The following ACOT1 variants were observed in gnomAD, a reference collection of about 807,000 sequenced individuals.
The protein encoded by ACOT1 is acyl-CoA thioesterase 1.
A neutral mutation model predicts 15.7 loss-of-function variants in ACOT1; 8 were observed. The observed-to-expected ratio is 0.51, with a 90% confidence interval of 0.30 to 0.92. ACOT1 has a LOEUF of 0.92. Ranked by LOEUF, ACOT1 falls within the 40% of genes least tolerant of loss-of-function variation. The pLI is 0.06. For missense variants in ACOT1, 151 were observed against 539.4 expected (o/e 0.28, Z 7.13); for synonymous variants, 67 against 241.2 (o/e 0.28, Z 6.69).
At chr14:73,514,667 T>C in the ACOT1 span, among the ~76,000 whole-genome samples, 2 of 152,330 alleles carry the variant, frequency 1.3e-5, no homozygotes, top group East Asian at 3.9e-4. Flanking sequence ...GGGAGAATAA[T>C]AGTGCTATAA....
chr14:73,514,441 T>C, the ACOT1 span, among the ~76,000 whole-genome samples: 1 of 152,148 alleles, frequency 6.6e-6, no homozygotes, highest in South Asian at 2.1e-4. Context: ...TGGTAAGCCA[T>C]GATGATGATG....
At chr14:73,514,086 C>G in the ACOT1 span, 8 of 1,614,056 alleles carry the variant, frequency 5.0e-6, no homozygotes, top group African/African-American at 2.7e-5. Context: ...CCACCAGTTC[C>G]CAGGTCACAT....
chr14:73,523,172 T>C, the ACOT1 span: 2 of 1,552,798 alleles, frequency 1.3e-6, no homozygotes, highest in South Asian at 2.3e-5. Context: ...CAGCAAATGC[T>C]TCCTTCCACA....
the ACOT1 span, chr14:73,498,103 G>A: frequency 2.0e-6 from 3 of 1,509,002 alleles, no homozygotes; most frequent in Non-Finnish European, 2.7e-6. Context: ...GAGCAAAGAT[G>A]TGAGAGTTGG....
the ACOT1 span, among the ~76,000 whole-genome samples, chr14:73,524,306 A>T: frequency 6.9e-3 from 630 of 90,766 alleles, 8 homozygotes; most frequent in African/African-American, 0.026. Context: ...AAAAAAAAAA[A>T]AAAAATATAT....
At chr14:73,494,594 A>T in the ACOT1 span, among the ~76,000 whole-genome samples, 1 of 152,280 alleles carries the variant, frequency 6.6e-6, no homozygotes, top group East Asian at 1.9e-4. Context: ...TTTGTTGCCC[A>T]GGCTGGGGTA....
chr14:73,522,354 T>A, the ACOT1 span: 2 of 1,614,244 alleles, frequency 1.2e-6, no homozygotes, highest in Admixed American at 3.3e-5. Context: ...AACTCTGCTG[T>A]CTCTTCTGCC....
At chr14:73,511,093 A>G in the ACOT1 span, among the ~76,000 whole-genome samples, 2 of 152,334 alleles carry the variant, frequency 1.3e-5, no homozygotes, top group East Asian at 1.9e-4. Flanking sequence ...CAAATTCTCA[A>G]GTAGGAAGGG....
At chr14:73,522,708 T>G in the ACOT1 span, 2 of 1,614,246 alleles carry the variant, frequency 1.2e-6, no homozygotes, top group African/African-American at 2.7e-5. Context: ...TTTGATTTCT[T>G]CAGCTTCTTT....
At chr14:73,527,967 A>G in the ACOT1 span, among the ~76,000 whole-genome samples, 2 of 148,618 alleles carry the variant, frequency 1.3e-5, no homozygotes, top group Non-Finnish European at 3.0e-5. Context: ...ATCTCAAAAA[A>G]AAAAAAAAAA....
the ACOT1 span, chr14:73,491,370 C>G: frequency 1.4e-5 from 19 of 1,364,572 alleles, no homozygotes; most frequent in South Asian, 1.8e-5. Flanking sequence ...CTGCAGACCC[C>G]GTCGGCGCGC....
At chr14:73,507,558 T>C in the ACOT1 span, among the ~76,000 whole-genome samples, 1 of 151,166 alleles carries the variant, frequency 6.6e-6, no homozygotes, top group Non-Finnish European at 1.5e-5. Flanking sequence ...CTCAGCCTCT[T>C]GAGTAGCTAG....
At chr14:73,503,083 T>C in the ACOT1 span, 2 of 1,209,242 alleles carry the variant, frequency 1.7e-6, no homozygotes, top group East Asian at 2.3e-5. Context: ...CGTTGTGCTG[T>C]TTTTTCTTCT....
the ACOT1 span, chr14:73,500,410 G>A: frequency 8.6e-6 from 7 of 812,120 alleles, no homozygotes; most frequent in Non-Finnish European, 1.3e-5. Flanking sequence ...CCTGTTTGAA[G>A]TGGCTTATAC....
the ACOT1 span, among the ~76,000 whole-genome samples, chr14:73,528,392 C>CAAAAAAAAAAAAAA: frequency 2.3e-5 from 2 of 88,516 alleles, no homozygotes; most frequent in Non-Finnish European, 4.1e-5. Flanking sequence ...AACTTCATCT[C>CAAAAAAAAAAAAAA]AAAAAAAAAA....
At chr14:73,493,153 G>A in the ACOT1 span, 6 of 1,596,850 alleles carry the variant, frequency 3.8e-6, no homozygotes, top group African/African-American at 1.4e-5. Flanking sequence ...GGAGAAGTTG[G>A]AGGTGGAAAA....
the ACOT1 span, chr14:73,500,475 A>G: frequency 4.9e-6 from 7 of 1,431,176 alleles, no homozygotes; most frequent in South Asian, 2.6e-5. Context: ...TGTTGAGCAT[A>G]CTGTGCACAA....
chr14:73,500,529 G>A, the ACOT1 span: 3 of 1,608,328 alleles, frequency 1.9e-6, no homozygotes, highest in African/African-American at 1.3e-5. Context: ...GGTAAGATGA[G>A]AATATGTTTC....
At chr14:73,492,019 G>C in the ACOT1 span, 3 of 1,613,794 alleles carry the variant, frequency 1.9e-6, no homozygotes, top group Admixed American at 5.0e-5. The surrounding 1 kb of genome is among the most constrained non-coding windows in gnomAD (Gnocchi z 4.9). Flanking sequence ...CCCCTAACTC[G>C]CAGGGCTTTG....
Sources: gnomAD v4.1 joint callset for allele counts (sites outside exome capture counted in the v4.1 genomes callset) on GRCh38, gnomAD v4.1.1 for gene constraint, Gnocchi (gnomAD v3.1) non-coding constraint, MANE v1.5 for transcripts, NCBI Gene and HGNC (gene_info 2026-07-23, HGNC 2026-07-21) for gene names.